ELP2: variants seen among roughly 807,000 people sequenced by gnomAD.
The protein encoded by ELP2 is elongator acetyltransferase complex subunit 2.
ELP2 carries 90 observed loss-of-function variants against 119.2 expected under a neutral mutation model. That is an observed-to-expected ratio of 0.75 (90% CI 0.64 to 0.90). The LOEUF is 0.90. Among genes scored for constraint, ELP2 ranks in the 40% least tolerant of loss-of-function variants. The probability of loss-of-function intolerance (pLI) is 0.00; values close to 1 mark genes in which losing one functional copy is unlikely to be tolerated. For synonymous variants in ELP2, 339 were observed against 331.0 expected (o/e 1.02, Z -0.26); for missense variants, 921 against 967.8 (o/e 0.95, Z 0.64).
intron 2 of ELP2, among the ~76,000 whole-genome samples, chr18:36,134,499 A>G (rs2089756673): frequency 6.6e-6 from 1 of 152,346 alleles, no homozygotes; most frequent in South Asian, 2.1e-4. Flanking sequence ...TTTCCCCATC[A>G]AAATGTTATA....
At chr18:36,136,170 C>T in intron 2 of ELP2, 137 bp from the exon 3 acceptor site, 2 of 672,972 alleles carry the variant, frequency 3.0e-6, no homozygotes, top group Non-Finnish European at 5.3e-6. Flanking sequence ...AGATATTAAG[C>T]AAATATGGCA....
intron 11 of ELP2, among the ~76,000 whole-genome samples, chr18:36,147,714 C>T (rs1598770504): frequency 1.3e-5 from 2 of 152,182 alleles, no homozygotes; most frequent in East Asian, 3.9e-4. Flanking sequence ...TGAGCCACCG[C>T]ACCTGGTCTA....
At chr18:36,140,923 T>C (rs894286423) in intron 5 of ELP2, among the ~76,000 whole-genome samples, 4 of 152,236 alleles carry the variant, frequency 2.6e-5, no homozygotes, top group African/African-American at 9.6e-5. Context: ...CATTTAATAG[T>C]CATTATATTT....
chr18:36,148,098 G>GTT (rs551791532), intron 11 of ELP2, among the ~76,000 whole-genome samples: 101 of 143,620 alleles, frequency 7.0e-4, no homozygotes, highest in South Asian at 2.0e-3. Context: ...TCAGGTTTTT[G>GTT]TTTTTTTTTT....
chr18:36,173,969 A>T (rs1380068193), intron 21 of ELP2, among the ~76,000 whole-genome samples: 3 of 152,180 alleles, frequency 2.0e-5, no homozygotes, highest in African/African-American at 7.2e-5. Context: ...GTTAGAGGTC[A>T]CACTGGAGAC....
intron 11 of ELP2, among the ~76,000 whole-genome samples, chr18:36,148,897 A>G (rs1268183620): frequency 6.6e-6 from 1 of 152,206 alleles, no homozygotes; most frequent in Non-Finnish European, 1.5e-5. Flanking sequence ...GTGTATGCAC[A>G]CACAGTCAAT....
intron 11 of ELP2, 131 bp downstream of exon 11, chr18:36,146,512 C>A: frequency 1.0e-6 from 1 of 965,306 alleles, no homozygotes; most frequent in Non-Finnish European, 1.6e-6. Flanking sequence ...TAACTTTTTT[C>A]TGTAGACATT....
In ELP2 at chr18:36,142,963, G is replaced by T; in HGVS notation, c.793G>T (p.Glu265Ter). 1 of 1,584,408 alleles carries T rather than the reference G, an allele frequency of 6.3e-7. No individual in the cohort carries two copies. Among genetic ancestry groups the T allele is most frequent in the Middle Eastern group, 1.7e-4 (1 of 5,936 alleles). Residue 265 changes from glutamate (E) to a stop codon, truncating the protein, a stop_gained, in exon 8 of 22, where the codon GAA becomes TAA. Coordinates refer to ENST00000358232, the MANE Select transcript of ELP2 (RefSeq NM_018255.4). LOFTEE classifies it high-confidence loss of function. ...LKENTFTIEN[E>*]SVKIAFAVTL... is the part of the protein sequence containing the mutation. Reference sequence around the variant, plus strand: ...AGAAAATACTTTTACCATAGAAAATGAAAGTGAGTAATAATGAAAATATCC... The same window carrying T: ...AGAAAATACTTTTACCATAGAAAATTAAAGTGAGTAATAATGAAAATATCC...
chr18:36,154,660 A>G (rs1390426217), intron 11 of ELP2, among the ~76,000 whole-genome samples, 190 bp from the exon 12 acceptor site: 1 of 152,246 alleles, frequency 6.6e-6, no homozygotes, highest in Non-Finnish European at 1.5e-5. Flanking sequence ...GATACAACAC[A>G]TATTTGAATG....
intron 11 of ELP2, among the ~76,000 whole-genome samples, chr18:36,148,057 T>C (rs1294488174): frequency 6.6e-6 from 1 of 151,534 alleles, no homozygotes; most frequent in Admixed American, 6.6e-5. Context: ...GACGTCAGCA[T>C]TTTTTCCCCC....
intron 18 of ELP2, among the ~76,000 whole-genome samples, chr18:36,166,159 C>T (rs995671151): frequency 6.6e-6 from 1 of 151,654 alleles, no homozygotes; most frequent in African/African-American, 2.4e-5. Flanking sequence ...CACCACGGCA[C>T]TCCAGCCAGG....
intron 11 of ELP2, among the ~76,000 whole-genome samples, chr18:36,152,146 G>GT (rs2090424763): frequency 6.6e-6 from 1 of 150,892 alleles, no homozygotes; most frequent in Non-Finnish European, 1.5e-5. Context: ...GCAGTTAGCC[G>GT]TGATTGCATC....
intron 11 of ELP2, among the ~76,000 whole-genome samples, chr18:36,148,364 G>A (rs571724023): frequency 9.5e-4 from 144 of 152,206 alleles, no homozygotes; most frequent in African/African-American, 3.4e-3. Context: ...GACCCACTGC[G>A]CCCAGCTGGT....
In ELP2 at chr18:36,177,483, G is replaced by A. The variant is rs2091251579; in HGVS notation, c.*2842G>A. On this transcript the variant is annotated 3_prime_UTR_variant, in exon 22 of 22. Coordinates refer to ENST00000358232, the MANE Select transcript of ELP2 (RefSeq NM_018255.4). ...ATGCATAGAAACAAGTAGAATGGTA[G>A]TTGCCAAGGACTGGGGGAGGAGGAA... 1 of 152,186 alleles carries A rather than the reference G, an allele frequency of 6.6e-6. No individual in the cohort carries two copies. The highest frequency in any genetic ancestry group is 2.4e-5 in the African/African-American group (1 of 41,442). 9.4% of individuals were successfully genotyped at this position (152,186 alleles called of 1,614,324 possible). A position where few individuals can be genotyped will look rare whatever the true frequency, so the allele number is the denominator to read the frequency against.
intron 12 of ELP2, 83 bp downstream of exon 12, chr18:36,155,082 A>C: frequency 3.8e-5 from 44 of 1,164,862 alleles, no homozygotes; most frequent in Non-Finnish European, 5.0e-5. Flanking sequence ...GCACGATCTC[A>C]GCTCACTGCA....
intron 6 of ELP2, among the ~76,000 whole-genome samples, chr18:36,141,754 G>T (rs1598752074): frequency 1.3e-5 from 2 of 150,178 alleles, no homozygotes; most frequent in African/African-American, 4.9e-5. Context: ...GCAGTGGTGA[G>T]AACATGCGTC....
At chr18:36,170,935 C>CTTTTGTA in intron 20 of ELP2, 112 bp from the exon 21 acceptor site, 1 of 794,056 alleles carries the variant, frequency 1.3e-6, no homozygotes, top group East Asian at 2.7e-5. Flanking sequence ...CCTGCAGAGT[C>CTTTTGTA]TTTTGTAAGG....
chr18:36,137,551 T>C (rs1303895043), intron 3 of ELP2, among the ~76,000 whole-genome samples: 1 of 152,112 alleles, frequency 6.6e-6, no homozygotes, highest in Non-Finnish European at 1.5e-5. Context: ...AGTGGTGGAA[T>C]GTCACACATT....
chr18:36,174,542 T>C lies in ELP2; in HGVS notation c.2382T>C (p.Thr794=). 1 of 1,614,152 alleles carries C rather than the reference T, an allele frequency of 6.2e-7. No individual in the cohort carries two copies. The highest frequency in any genetic ancestry group is 8.5e-7 in the Non-Finnish European group (1 of 1,180,028). The change falls in exon 22 of 22, where the codon ACT becomes ACC. Residue 794 remains threonine (T), a synonymous_variant. Transcript: ENST00000358232. ...KLCWKNCSGK[T]EQKEAEGAEW... ...GCTGGAAGAATTGCAGTGGAAAAACTGAACAGAAGGAAGCAGAAGGTGCTG... is the reference window on the plus strand; with the variant it reads ...GCTGGAAGAATTGCAGTGGAAAAACCGAACAGAAGGAAGCAGAAGGTGCTG...
Sources: allele counts gnomAD v4.1 joint callset (sites outside exome capture counted in the v4.1 genomes callset), GRCh38; gene constraint gnomAD v4.1.1; transcripts MANE v1.5; gene names NCBI Gene and HGNC (gene_info 2026-07-23, HGNC 2026-07-21).